The following USP6NL variants were observed in gnomAD, a reference collection of about 807,000 sequenced individuals.
USP6NL encodes USP6 N-terminal like.
USP6NL carries 26 observed loss-of-function variants against 61.9 expected under a neutral mutation model. The observed-to-expected ratio is 0.42, with a 90% CI of 0.31 to 0.58. The LOEUF (loss-of-function observed/expected upper bound fraction) is 0.58. Ranked by LOEUF, USP6NL falls within the 20% of genes least tolerant of loss-of-function variation. The pLI, the probability that USP6NL is intolerant of heterozygous loss-of-function variation, is 0.16. For missense variants in USP6NL, 1,114 were observed against 1,034.3 expected, an observed-to-expected ratio of 1.08 and a Z score of -1.06; for synonymous variants, 432 against 390.1, an observed-to-expected ratio of 1.11 and a Z score of -1.27.
At chr10:11,533,772 T>G (rs563356140) in intron 2 of USP6NL, among the ~76,000 whole-genome samples, 1 of 152,366 alleles carries the variant, frequency 6.6e-6, no homozygotes, top group African/African-American at 2.4e-5. Context: ...GTAAGTCATG[T>G]GCTGTTACAG....
chr10:11,521,312 AT>A (rs1038513161), intron 4 of USP6NL, among the ~76,000 whole-genome samples: 10 of 147,300 alleles, frequency 6.8e-5, no homozygotes, highest in African/African-American at 2.0e-4. Context: ...TATATATAAT[AT>A]TTTTATTATA....
At chr10:11,517,450 T>C (rs1234987234) in intron 5 of USP6NL, among the ~76,000 whole-genome samples, 1 of 152,256 alleles carries the variant, frequency 6.6e-6, no homozygotes, top group Non-Finnish European at 1.5e-5. Flanking sequence ...CTGTAGTCAC[T>C]GGATGTGAGC....
intron 4 of USP6NL, among the ~76,000 whole-genome samples, chr10:11,521,331 T>C (rs907440089): frequency 3.4e-5 from 5 of 147,094 alleles, no homozygotes; most frequent in African/African-American, 9.8e-5. Context: ...ATATATAAAA[T>C]ATATATTATA....
intron 2 of USP6NL, among the ~76,000 whole-genome samples, chr10:11,572,812 G>C (rs1268145234): frequency 6.6e-6 from 1 of 152,008 alleles, no homozygotes; most frequent in African/African-American, 2.4e-5. Context: ...TAGTGAAATT[G>C]CCAATATAAT....
chr10:11,512,154 A>G (rs1210531882), intron 5 of USP6NL, among the ~76,000 whole-genome samples: 1 of 152,190 alleles, frequency 6.6e-6, no homozygotes, highest in Non-Finnish European at 1.5e-5. Flanking sequence ...CTCAACCACA[A>G]TAAGACAAAA....
At chr10:11,565,641 GA>G (rs759030339) in intron 2 of USP6NL, 256 of 123,060 alleles carry the variant, frequency 2.1e-3, no homozygotes, top group Middle Eastern at 8.4e-3. Flanking sequence ...GACTCCGTCT[GA>G]AAAAAAAAAA....
chr10:11,571,238 C>T (rs1837349464), intron 2 of USP6NL, among the ~76,000 whole-genome samples: 1 of 152,020 alleles, frequency 6.6e-6, no homozygotes, highest in South Asian at 2.1e-4. Flanking sequence ...CATGCACCAC[C>T]ACGCCCGGCT....
intron 5 of USP6NL, among the ~76,000 whole-genome samples, chr10:11,515,620 G>A (rs542099250): frequency 5.9e-5 from 9 of 152,280 alleles, no homozygotes; most frequent in East Asian, 3.9e-4. Flanking sequence ...TAAATTTGGG[G>A]TCCACTTGGG....
At chr10:11,568,382 A>C (rs1259192872) in intron 2 of USP6NL, among the ~76,000 whole-genome samples, 1 of 152,190 alleles carries the variant, frequency 6.6e-6, no homozygotes. Context: ...TGACTTACCT[A>C]AAGTCATATG....
At chr10:11,603,286 G>T (rs900855755) in intron 1 of USP6NL, among the ~76,000 whole-genome samples, 6 of 152,142 alleles carry the variant, frequency 3.9e-5, no homozygotes, top group Non-Finnish European at 7.4e-5. Context: ...GACAACTTCA[G>T]GTATTTAGGA....
At chr10:11,610,564 T>A (rs966997639) in intron 1 of USP6NL, among the ~76,000 whole-genome samples, 7 of 152,228 alleles carry the variant, frequency 4.6e-5, no homozygotes, top group East Asian at 1.9e-4. Flanking sequence ...AAAGGATTAA[T>A]ACAGGATTGA....
In USP6NL at chr10:11,548,360, T is replaced by G. The variant is rs1836359850; in HGVS notation, c.5-20793A>C. Among the ~76,000 whole-genome samples the G allele has an allele frequency of 6.6e-6, 1 of 152,198 alleles. No individual in the cohort carries two copies. Among genetic ancestry groups the G allele is most frequent in the Non-Finnish European group, 1.5e-5 (1 of 68,014 alleles). ...ATATCCACTTTTATTTTCTGGCTGT[T>G]AAGTCAATTTAATGGGTTCTTATTA... On this transcript the variant is annotated intron_variant, in intron 2 of 14. Transcript: ENST00000609104. This position sits in a 1 kb window ranked among gnomAD's most constrained non-coding sequence, Gnocchi z 4.3.
chr10:11,544,352 T>G (rs764863635), intron 2 of USP6NL, among the ~76,000 whole-genome samples: 4 of 152,186 alleles, frequency 2.6e-5, no homozygotes, highest in African/African-American at 9.7e-5. Context: ...AGACTGACTA[T>G]AAAAACATTT....
At chr10:11,483,606 A>G (rs1165042112) in intron 13 of USP6NL, among the ~76,000 whole-genome samples, 16 of 5,956 alleles carry the variant, frequency 2.7e-3, no homozygotes, top group Admixed American at 4.7e-3. Context: ...GGGAGGGGGG[A>G]GGGGGAGAGG....
intron 5 of USP6NL, among the ~76,000 whole-genome samples, chr10:11,515,678 C>A (rs1230956838): frequency 6.6e-6 from 1 of 152,126 alleles, no homozygotes; most frequent in East Asian, 1.9e-4. Context: ...TGTGCTGTGT[C>A]AAGTATGAGA....
chr10:11,532,348 G>A lies in USP6NL; in HGVS notation c.5-4781C>T, dbSNP rs1835694511. 7 of 790,114 alleles carry A rather than the reference G, an allele frequency of 8.9e-6. No individual in the cohort carries two copies. Among genetic ancestry groups the A allele is most frequent in the Non-Finnish European group, 9.6e-6 (5 of 519,614 alleles). 48.9% of individuals were successfully genotyped at this position (790,114 alleles called of 1,614,324 possible). ...CAACTAACTAAAACAAAGAAAGGCAGAGGCAGCTCTACTTTAAACTATCTG... is the reference window on the plus strand; with the variant it reads ...CAACTAACTAAAACAAAGAAAGGCAAAGGCAGCTCTACTTTAAACTATCTG... On this transcript the variant is annotated intron_variant, in intron 2 of 14. Coordinates refer to ENST00000609104, the MANE Select transcript of USP6NL (RefSeq NM_014688.5). This position sits in a 1 kb window ranked among gnomAD's most constrained non-coding sequence, Gnocchi z 4.1.
In USP6NL at chr10:11,474,191, C is replaced by T. The variant is rs1314296750; in HGVS notation, c.1078+7579G>A. Among the ~76,000 whole-genome samples, 3 of 152,182 alleles carry T rather than the reference C, an allele frequency of 2.0e-5. No homozygotes were observed. Among genetic ancestry groups the T allele is most frequent in the Non-Finnish European group, 4.4e-5 (3 of 68,022 alleles). On this transcript the variant is annotated intron_variant, in intron 14 of 14. Transcript: ENST00000609104. The surrounding 1 kb of genome is among the most constrained non-coding windows in gnomAD (Gnocchi z 4.9). ...TCTGTAGTTTTTTGCATTAAGGAAT[C>T]TGTTTGTATTTAGAATTTTCTGTGT... is the stretch of plus-strand genomic sequence containing the variant.
At chr10:11,521,537 C>G (rs1021589427) in intron 4 of USP6NL, among the ~76,000 whole-genome samples, 1 of 151,750 alleles carries the variant, frequency 6.6e-6, no homozygotes, top group African/African-American at 2.4e-5. Context: ...CGCGCCACCA[C>G]GCCTGGCTAA....
chr10:11,577,269 T>C (rs2133591877), intron 2 of USP6NL, among the ~76,000 whole-genome samples: 1 of 152,230 alleles, frequency 6.6e-6, no homozygotes, highest in African/African-American at 2.4e-5. Flanking sequence ...TTTCACCATG[T>C]TAGCCAGGAT....
Sources: allele counts gnomAD v4.1 joint callset (sites outside exome capture counted in the v4.1 genomes callset), GRCh38; gene constraint gnomAD v4.1.1; non-coding constraint Gnocchi (gnomAD v3.1); transcripts MANE v1.5; gene names NCBI Gene and HGNC (gene_info 2026-07-23, HGNC 2026-07-21).